DMD: variants seen among roughly 807,000 people sequenced by gnomAD.
DMD encodes dystrophin, also known as mutant dystrophin.
A neutral mutation model predicts 330.1 loss-of-function variants in DMD; 63 were observed. The observed-to-expected ratio is 0.19, with a 90% CI of 0.16 to 0.24. The LOEUF (loss-of-function observed/expected upper bound fraction) is 0.24. DMD is among the 10% of genes least tolerant of loss of function. DMD has a pLI of 1.00. For synonymous variants in DMD, 1,223 were observed against 959.8 expected, an observed-to-expected ratio of 1.27 and a Z score of -5.07; for missense variants, 3,344 against 2,684.1, an observed-to-expected ratio of 1.25 and a Z score of -5.43.
intron 1 of DMD, among the ~76,000 whole-genome samples, chrX:33,103,182 C>A (rs1453490918): frequency 9.0e-6 from 1 of 111,488 alleles, no homozygotes; most frequent in Non-Finnish European, 1.9e-5. Context: ...TTAAATACGT[C>A]CAGAATTCCT....
intron 12 of DMD, among the ~76,000 whole-genome samples, chrX:32,606,443 T>G (rs951504161): frequency 9.1e-6 from 1 of 109,806 alleles, no homozygotes; most frequent in Non-Finnish European, 1.9e-5. Flanking sequence ...AAGAAAATGT[T>G]TATTCACTCT....
At chrX:32,798,747 G>T (rs766693991) in intron 7 of DMD, among the ~76,000 whole-genome samples, 1 of 111,290 alleles carries the variant, frequency 9.0e-6, no homozygotes, top group Non-Finnish European at 1.9e-5. Flanking sequence ...TATTGCAATC[G>T]CATTAGATTT....
intron 51 of DMD, among the ~76,000 whole-genome samples, chrX:31,767,632 C>G (rs968986062): frequency 2.7e-5 from 3 of 111,702 alleles, no homozygotes; most frequent in African/African-American, 9.7e-5. Context: ...AACCAAGAAA[C>G]ATTCTGTTTT....
At chrX:32,360,800 A>AAAT (rs199527400) in intron 37 of DMD, among the ~76,000 whole-genome samples, 18,781 of 95,853 alleles carry the variant, frequency 0.2, 2,067 homozygotes, top group African/African-American at 0.4. Context: ...CACACACACA[A>AAAT]AATAATAATA....
intron 7 of DMD, among the ~76,000 whole-genome samples, chrX:32,761,149 T>C (rs778928042): frequency 8.9e-6 from 1 of 112,171 alleles, no homozygotes; most frequent in South Asian, 3.7e-4. Flanking sequence ...TTTAATAATG[T>C]TGTCTCCTTT....
intron 44 of DMD, among the ~76,000 whole-genome samples, chrX:32,128,068 G>A (rs2146872712): frequency 8.9e-6 from 1 of 112,231 alleles, no homozygotes; most frequent in Non-Finnish European, 1.9e-5. Flanking sequence ...TGGAAGTATA[G>A]TAACTAGTTA....
At chrX:31,977,707 CCTT>C (rs1181303948) in intron 44 of DMD, among the ~76,000 whole-genome samples, 1 of 108,755 alleles carries the variant, frequency 9.2e-6, no homozygotes, top group Non-Finnish European at 1.9e-5. Flanking sequence ...ATACTACTCT[CCTT>C]CATGGAATTA....
chrX:32,224,152 T>C (rs1476326738), intron 43 of DMD, among the ~76,000 whole-genome samples: 2 of 111,624 alleles, frequency 1.8e-5, no homozygotes, highest in African/African-American at 6.5e-5. Context: ...TATCCTACTC[T>C]GTGGGTTTCA....
intron 42 of DMD, among the ~76,000 whole-genome samples, chrX:32,299,161 A>G: frequency 9.0e-6 from 1 of 110,736 alleles, no homozygotes; most frequent in Non-Finnish European, 1.9e-5. Context: ...TGGTACAGCT[A>G]CTGAATCAAG....
chrX:31,609,016 C>T (rs1039900584), intron 55 of DMD, among the ~76,000 whole-genome samples: 1 of 112,110 alleles, frequency 8.9e-6, no homozygotes, highest in Non-Finnish European at 1.9e-5. Context: ...ATATCTTTGA[C>T]TGAATTCTTC....
At chrX:32,158,104 T>A (rs398124016) in intron 44 of DMD, among the ~76,000 whole-genome samples, 15 of 111,927 alleles carry the variant, frequency 1.3e-4, no homozygotes, top group South Asian at 7.4e-4. Flanking sequence ...TTGGCTCAAC[T>A]ACCTGTAAGC....
intron 44 of DMD, among the ~76,000 whole-genome samples, chrX:32,002,820 T>C (rs1019070929): frequency 5.4e-5 from 6 of 111,434 alleles, no homozygotes; most frequent in African/African-American, 6.5e-5. Context: ...TTGTTACTAG[T>C]ATAACTCGCT....
chrX:33,163,614 C>CTA (rs1252041102), intron 1 of DMD, among the ~76,000 whole-genome samples: 1 of 13,703 alleles, frequency 7.3e-5, no homozygotes, highest in African/African-American at 3.6e-4. Flanking sequence ...ATATCTATAT[C>CTA]TATCTCTATC....
chrX:31,954,063 TA>T (rs2095217635), intron 45 of DMD, among the ~76,000 whole-genome samples: 1 of 110,949 alleles, frequency 9.0e-6, no homozygotes, highest in South Asian at 3.9e-4. Flanking sequence ...CTCTAATCAT[TA>T]AAAAAACAAT....
chrX:32,672,147 G>A (rs969043017), intron 9 of DMD, among the ~76,000 whole-genome samples: 28 of 111,166 alleles, frequency 2.5e-4, no homozygotes, highest in Non-Finnish European at 3.4e-4. Context: ...GAATATATTA[G>A]TTGTGGGACA....
chrX:33,162,981 T>A (rs1034660545), intron 1 of DMD, among the ~76,000 whole-genome samples: 2 of 111,659 alleles, frequency 1.8e-5, no homozygotes, highest in African/African-American at 6.5e-5. Flanking sequence ...TTTGACATTT[T>A]AAAATTCTCT....
At chrX:31,943,878 TGAGAGAGAGAGAGAGAGA>T (rs536982335) in intron 45 of DMD, among the ~76,000 whole-genome samples, 1,197 of 74,490 alleles carry the variant, frequency 0.016, 32 homozygotes, top group African/African-American at 0.055. Context: ...CCCCAGAGAG[TGAGAGAGAGAGAGAGAGA>T]GAGAGAGAGA....
chrX:31,138,136 T>C (rs1314590919), intron 76 of DMD, among the ~76,000 whole-genome samples: 2 of 111,354 alleles, frequency 1.8e-5, no homozygotes, highest in Non-Finnish European at 3.8e-5. Flanking sequence ...CTGGTTGGGG[T>C]TGCCCGCTTG....
chrX:32,922,518 T>C (rs2088528499), intron 2 of DMD, among the ~76,000 whole-genome samples: 1 of 111,833 alleles, frequency 8.9e-6, no homozygotes, highest in African/African-American at 3.3e-5. Flanking sequence ...GCTGGGGAGA[T>C]GGTTTGGGAA....
Sources: gnomAD v4.1 joint callset for allele counts (sites outside exome capture counted in the v4.1 genomes callset) on GRCh38, gnomAD v4.1.1 for gene constraint, MANE v1.5 for transcripts, NCBI Gene and HGNC (gene_info 2026-07-23, HGNC 2026-07-21) for gene names.